Variants in POMGNT1 observed in about 807,000 individuals in gnomAD.
POMGNT1 encodes the protein protein O-linked-mannose beta-1,2-N-acetylglucosaminyltransferase 1.
A neutral mutation model predicts 95.6 loss-of-function variants in POMGNT1; 67 were observed. That is an observed-to-expected ratio of 0.70 (90% CI 0.58 to 0.86). The LOEUF is 0.86. POMGNT1 is among the 40% of genes least tolerant of loss of function. POMGNT1 has a pLI of 0.00. For missense variants in POMGNT1, 719 were observed against 855.2 expected, an observed-to-expected ratio of 0.84 and a Z score of 1.99; for synonymous variants, 298 against 317.9, an observed-to-expected ratio of 0.94 and a Z score of 0.66.
At chr1:46,216,071 C>T (rs1366672957) in intron 1 of POMGNT1, among the ~76,000 whole-genome samples, 5 of 79,992 alleles carry the variant, frequency 6.3e-5, no homozygotes, top group Non-Finnish European at 9.1e-5. Context: ...TTTTTTGTGA[C>T]GGAGTCTCGC....
At chr1:46,210,682 T>C (rs778723304) in intron 1 of POMGNT1, among the ~76,000 whole-genome samples, 4 of 152,180 alleles carry the variant, frequency 2.6e-5, no homozygotes, top group South Asian at 2.1e-4. Flanking sequence ...GGGCAAGGCA[T>C]ACGGGAAGGG....
intron 18 of POMGNT1, 74 bp from the exon 19 acceptor site, chr1:46,190,591 AG>A: frequency 6.5e-7 from 1 of 1,534,820 alleles, no homozygotes; most frequent in Non-Finnish European, 9.0e-7. Context: ...GAGCAGGGCA[AG>A]GGGTCACATG....
At chr1:46,189,805 T>A in intron 20 of POMGNT1, 49 bp downstream of exon 20, 1 of 1,611,494 alleles carries the variant, frequency 6.2e-7, no homozygotes, top group Non-Finnish European at 8.5e-7. Flanking sequence ...TGGGGCAGTA[T>A]GTGTGTGAGG....
chr1:46,200,375 C>A (rs1218702418), upstream of POMGNT1, among the ~76,000 whole-genome samples: 4 of 152,048 alleles, frequency 2.6e-5, no homozygotes, highest in African/African-American at 4.8e-5. Context: ...CTTCACAGGC[C>A]CCTCTAACGC....
upstream of POMGNT1, among the ~76,000 whole-genome samples, chr1:46,202,491 A>G (rs1222545850): frequency 2.0e-5 from 3 of 151,866 alleles, no homozygotes; most frequent in Admixed American, 6.6e-5. Flanking sequence ...TCAGGAGTTC[A>G]AGACCAGCCT....
At chr1:46,214,846 G>T (rs1052353272) in intron 1 of POMGNT1, among the ~76,000 whole-genome samples, 8 of 114,872 alleles carry the variant, frequency 7.0e-5, no homozygotes, top group Middle Eastern at 9.6e-3. Context: ...CAGCCTGGGG[G>T]ACAAGAGTGA....
At position 46,194,463 on chromosome 1, in the gene POMGNT1, C is replaced by T. The variant is rs1312849402; in HGVS notation, c.752-62G>A. 4 of 1,613,990 alleles carry T rather than the reference C, an allele frequency of 2.5e-6. No homozygotes were observed. In the African/African-American group the frequency reaches 5.3e-5, roughly 22 times the overall value. On this transcript the variant is annotated intron_variant, in intron 8 of 21. Coordinates refer to ENST00000371984, the MANE Select transcript of POMGNT1 (RefSeq NM_017739.4). ...CCAGCAAGGTTTGAAGAGCCCCAGG[C>T]ACACAATCAAAGGAATAAAGCTCCA...
chr1:46,191,634 T>C (rs1657772703), intron 17 of POMGNT1: 1 of 257,430 alleles, frequency 3.9e-6, no homozygotes, highest in African/African-American at 2.2e-5. Context: ...GGTAGTAGTA[T>C]TTTATCCTCT....
At chr1:46,214,774 G>A (rs1416186740) in intron 1 of POMGNT1, among the ~76,000 whole-genome samples, 4 of 146,652 alleles carry the variant, frequency 2.7e-5, no homozygotes, top group African/African-American at 1.0e-4. Flanking sequence ...CCTGAGTCAT[G>A]AGAATCACTT....
chr1:46,195,449 C>T (rs1571665616), intron 6 of POMGNT1: 1 of 379,552 alleles, frequency 2.6e-6, no homozygotes, highest in Non-Finnish European at 5.1e-6. Context: ...GTCCCCTCCC[C>T]TCTATCATTC....
rs775686802 is a variant in POMGNT1 at position 46,197,276 on chromosome 1, G to A, written c.121-192C>T. 6.6e-6 allele frequency: 10 copies of A among 1,516,504 alleles called. No individual in the cohort carries two copies. The South Asian group carries it at 9.5e-5, about 14-fold the overall frequency. 93.9% of individuals were successfully genotyped at this position (1,516,504 alleles called of 1,614,324 possible). On this transcript the variant is annotated intron_variant, in intron 2 of 21. Transcript: ENST00000371984. The stretch of plus-strand genomic sequence containing the variant: ...CCACTTTCCCCAGGGAACCTCCCCT[G>A]ACACTTCCCCCTCCATTAGGGCCCT...
rs760027959 is a variant in POMGNT1, at chr1:46,197,868, G to T, written c.-47C>A. 3.7e-6 allele frequency: 6 copies of T among 1,612,294 alleles called. No homozygotes were observed. In the Admixed American group the frequency reaches 1.0e-4, roughly 27 times the overall value. Reference sequence around the variant, plus strand: ...TGTCCTGGCCAGCCCATGACTTCAGGAATCTGAAGGGACCAGAGGGCCACA... The same window carrying T: ...TGTCCTGGCCAGCCCATGACTTCAGTAATCTGAAGGGACCAGAGGGCCACA... On this transcript the variant is annotated 5_prime_UTR_variant, in exon 2 of 22. Coordinates refer to ENST00000371984, the MANE Select transcript of POMGNT1 (RefSeq NM_017739.4).
rs1657613509 is a variant in POMGNT1 at position 46,189,874 on chromosome 1, T to G, written c.1765A>C (p.Thr589Pro). 1 of 1,613,900 alleles carries G rather than the reference T, an allele frequency of 6.2e-7. No individual in the cohort carries two copies. Among genetic ancestry groups the G allele is most frequent in the Non-Finnish European group, 8.5e-7 (1 of 1,180,012 alleles). Residue 589 changes from threonine (T) to proline (P), a missense_variant, in exon 20 of 22, where the codon ACC becomes CCC. Thr to Pro is a conservative substitution (Grantham distance 38). Around this residue, in one of 5 missense-constraint regions of POMGNT1, gnomAD observed 130 missense variants for 149.2 expected, o/e 0.87. Coordinates refer to ENST00000371984, the MANE Select transcript of POMGNT1 (RefSeq NM_017739.4). The stretch of plus-strand genomic sequence containing the variant: ...AGCACCTTGGCAAGCTGGGTCCAGG[T>G]GGTGAAGTCATCATCTTTCTCCATT... ...IRMEKDDDFT[T>P]WTQLAKCLHI... is the part of the protein sequence containing the mutation.
chr1:46,211,537 C>A (rs1658897221), intron 1 of POMGNT1, among the ~76,000 whole-genome samples: 1 of 151,718 alleles, frequency 6.6e-6, no homozygotes, highest in Non-Finnish European at 1.5e-5. Flanking sequence ...GCCAAATAGC[C>A]TACCATTTAT....
rs1197810838 is a variant in POMGNT1, at chr1:46,196,043, C to T, written c.389G>A (p.Gly130Asp). 1 of 1,614,034 alleles carries T rather than the reference C, an allele frequency of 6.2e-7. No individual in the cohort carries two copies. The highest frequency in any genetic ancestry group is 8.5e-7 in the Non-Finnish European group (1 of 1,180,024). The change falls in exon 5 of 22, where the codon GGC becomes GAC. Residue 130 changes from glycine to aspartate, a missense_variant. Transcript: ENST00000371984. This position sits in a 1 kb window ranked among gnomAD's most constrained non-coding sequence, Gnocchi z 4.4. ...CTGGTTGAGGACAATGACATGGATG[C>T]CCCGGCCCTGCTCCCGGGCCTCATC... ...LEDEAREQGRGIHVIVLNQAT... is the reference protein window; with the variant it reads ...LEDEAREQGRDIHVIVLNQAT...
chr1:46,198,102 G>A, intron 1 of POMGNT1: 1 of 490,416 alleles, frequency 2.0e-6, no homozygotes, highest in Non-Finnish European at 3.7e-6. Flanking sequence ...CTGTCCAAGG[G>A]TGGAGGCCAA....
intron 1 of POMGNT1, among the ~76,000 whole-genome samples, chr1:46,205,406 A>G (rs751278860): frequency 8.5e-5 from 13 of 152,200 alleles, no homozygotes; most frequent in Non-Finnish European, 1.6e-4. Flanking sequence ...AGATCATCTG[A>G]CTGCACTTTG....
chr1:46,198,266 C>G (rs903221815), intron 1 of POMGNT1, 70 bp downstream of exon 1: 1 of 164,254 alleles, frequency 6.1e-6, no homozygotes, highest in Non-Finnish European at 1.3e-5. Flanking sequence ...GGGCCCGGAG[C>G]CGCCCGAGGG....
In POMGNT1 at chr1:46,196,948, C is replaced by G. The variant is rs1172885979; in HGVS notation, c.235+22G>C. 2 of 1,614,196 alleles carry G rather than the reference C, an allele frequency of 1.2e-6. No individual in the cohort carries two copies. Among genetic ancestry groups the G allele is most frequent in the Non-Finnish European group, 1.7e-6 (2 of 1,180,028 alleles). ...AGCTGTGAGATCCAAGGCCCCCTAC[C>G]CCATCCTTAGCCTAGCCCTACCATA... On this transcript the variant is annotated intron_variant, in intron 3 of 21. Coordinates refer to ENST00000371984, the MANE Select transcript of POMGNT1 (RefSeq NM_017739.4). This position sits in a 1 kb window ranked among gnomAD's most constrained non-coding sequence, Gnocchi z 4.4.
Sources: gnomAD v4.1 joint callset for allele counts (sites outside exome capture counted in the v4.1 genomes callset) on GRCh38, gnomAD v4.1.1 for gene constraint, gnomAD v4.1.1 regional missense constraint, Gnocchi (gnomAD v3.1) non-coding constraint, MANE v1.5 for transcripts, NCBI Gene and HGNC (gene_info 2026-07-23, HGNC 2026-07-21) for gene names.